The following IL16 variants were observed in gnomAD, a reference collection of about 807,000 sequenced individuals.
IL16 encodes interleukin 16.
In IL16, 67 loss-of-function variants were observed where a neutral mutation model predicts 110.1. The observed-to-expected ratio is 0.61, with a 90% confidence interval of 0.50 to 0.75. IL16 has a LOEUF of 0.75. IL16 is among the 30% of genes least tolerant of loss of function. The pLI is 0.00. For synonymous variants in IL16, 689 were observed against 662.9 expected (o/e 1.04, Z -0.61); for missense variants, 1,545 against 1,655.0 (o/e 0.93, Z 1.15).
At chr15:81,304,206 ATTTCCTGATAAGT>A (rs1900436690) in intron 16 of IL16, among the ~76,000 whole-genome samples, 1 of 152,192 alleles carries the variant, frequency 6.6e-6, no homozygotes, top group South Asian at 2.1e-4. Context: ...GACTTCCTTG[ATTTCCTGATAAGT>A]TTTCTATCAC....
At position 81,256,242 on chromosome 15, in the gene IL16, A is replaced by G. The variant is rs75853969; in HGVS notation, c.313-3530A>G. The stretch of plus-strand genomic sequence containing the variant: ...TGCCCTTTTTCTATGTATATTTTAC[A>G]TGATTGTAGTCAGTCATCATCATTA... On this transcript the variant is annotated intron_variant, in intron 2 of 18. Coordinates refer to ENST00000683961, the MANE Select transcript of IL16 (RefSeq NM_172217.5). Among the ~76,000 whole-genome samples, 1,154 of 152,048 alleles carry G rather than the reference A, an allele frequency of 7.6e-3. 15 individuals carry two copies. The highest frequency in any genetic ancestry group is 0.026 in the African/African-American group (1,085 of 41,438).
chr15:81,233,890 A>C lies in IL16; in HGVS notation c.312+8179A>C, dbSNP rs533127035. Among the ~76,000 whole-genome samples, 25 of 152,104 alleles carry C rather than the reference A, an allele frequency of 1.6e-4. 1 individual carries two copies. The South Asian group carries it at 5.2e-3, about 32-fold the overall frequency. ...AAGAAGCATGTTAAAGCCTCTCATT[A>C]TTATTGTAGATTGGTCTGTTTCTCC... is the stretch of plus-strand genomic sequence containing the variant. On this transcript the variant is annotated intron_variant, in intron 2 of 18. Transcript: ENST00000683961.
intron 2 of IL16, among the ~76,000 whole-genome samples, chr15:81,228,908 T>A (rs1020895776): frequency 6.6e-5 from 10 of 152,134 alleles, no homozygotes; most frequent in African/African-American, 2.4e-4. Context: ...TCTCACCTGT[T>A]AAATGGAGAA....
chr15:81,221,574 C>G (rs1384996515), intron 1 of IL16, among the ~76,000 whole-genome samples: 2 of 152,114 alleles, frequency 1.3e-5, no homozygotes, highest in Non-Finnish European at 2.9e-5. Context: ...TTCAATTATT[C>G]TCTCTCCCTT....
intron 1 of IL16, among the ~76,000 whole-genome samples, chr15:81,191,759 T>C (rs1399600622): frequency 6.6e-6 from 1 of 152,192 alleles, no homozygotes; most frequent in Non-Finnish European, 1.5e-5. Context: ...GGAACTTTCC[T>C]GTAAGAGAAA....
intron 2 of IL16, among the ~76,000 whole-genome samples, chr15:81,254,099 A>G (rs937212342): frequency 1.3e-5 from 2 of 152,134 alleles, no homozygotes; most frequent in African/African-American, 4.8e-5. Flanking sequence ...GTTGAATTCT[A>G]TTTTGTGGTT....
chr15:81,236,924 A>T (rs760703376), intron 2 of IL16, among the ~76,000 whole-genome samples: 2 of 152,110 alleles, frequency 1.3e-5, no homozygotes, highest in Non-Finnish European at 2.9e-5. Context: ...CAACCATTGC[A>T]CTCCAGCCTG....
intron 10 of IL16, among the ~76,000 whole-genome samples, chr15:81,286,222 C>T (rs1462142979): frequency 6.6e-6 from 1 of 152,172 alleles, no homozygotes; most frequent in East Asian, 1.9e-4. Context: ...CCTGCAGAAG[C>T]TCACAGTATC....
chr15:81,183,013 G>C (rs116464315), intron 1 of IL16: 187 of 536,778 alleles, frequency 3.5e-4, no homozygotes, highest in African/African-American at 3.5e-3. Flanking sequence ...CCACTGTGTA[G>C]TATATGAGTG....
intron 2 of IL16, among the ~76,000 whole-genome samples, chr15:81,258,999 C>T (rs1417462209): frequency 6.6e-6 from 1 of 151,942 alleles, no homozygotes; most frequent in Non-Finnish European, 1.5e-5. Flanking sequence ...CCCTAAAATT[C>T]CAGGATGAGG....
At chr15:81,201,140 AGTGT>A (rs1331584955) in intron 1 of IL16, among the ~76,000 whole-genome samples, 2 of 151,150 alleles carry the variant, frequency 1.3e-5, no homozygotes, top group Non-Finnish European at 2.9e-5. Context: ...GAAAATAAAA[AGTGT>A]GTGTGTGTCT....
At position 81,218,333 on chromosome 15, in the gene IL16, T is replaced by C. The variant is rs118110003; in HGVS notation, c.-101-6966T>C. ...AAATAAAGAAGAGTGTAAAATGTTA[T>C]TGAAAGTCTGAAAAGAAAATTTGAA... On this transcript the variant is annotated intron_variant, in intron 1 of 18. Coordinates refer to ENST00000683961, the MANE Select transcript of IL16 (RefSeq NM_172217.5). 2.4e-3 allele frequency among the ~76,000 whole-genome samples: 359 copies of C among 152,286 alleles called. 13 individuals carry two copies. In the East Asian group the frequency reaches 0.057, roughly 24 times the overall value.
chr15:81,183,177 C>T (rs1895370310), intron 1 of IL16, among the ~76,000 whole-genome samples: 2 of 152,172 alleles, frequency 1.3e-5, no homozygotes, highest in South Asian at 4.1e-4. Flanking sequence ...TGCAGGACCC[C>T]CACAGGGGAG....
chr15:81,263,405 CACTT>C (rs1898241491), intron 3 of IL16, among the ~76,000 whole-genome samples: 1 of 143,852 alleles, frequency 7.0e-6, no homozygotes, highest in African/African-American at 2.6e-5. Flanking sequence ...TCAGTTAACT[CACTT>C]AATACTCTAC....
upstream of IL16, among the ~76,000 whole-genome samples, chr15:81,193,266 G>C (rs1030771178): frequency 1.3e-5 from 2 of 152,142 alleles, no homozygotes; most frequent in African/African-American, 2.4e-5. Context: ...ATTTTATTAG[G>C]GGGGGAATCA....
chr15:81,250,848 T>C (rs1897744888), intron 2 of IL16, among the ~76,000 whole-genome samples: 1 of 152,222 alleles, frequency 6.6e-6, no homozygotes, highest in African/African-American at 2.4e-5. Context: ...TTAATTTATT[T>C]CCAATTCAAA....
In IL16 at chr15:81,308,728, G is replaced by A; in HGVS notation, c.3929G>A (p.Gly1310Glu). Residue 1310 changes from glycine (G) to glutamate (E), a missense_variant, in exon 19 of 19, where the codon GGA becomes GAA. By Grantham distance (98) the Gly-to-Glu change is moderately conservative (BLOSUM62 -2). Around this residue, in one of 3 missense-constraint regions of IL16, gnomAD observed 356 missense variants for 399.3 expected, o/e 0.89. Coordinates refer to ENST00000683961, the MANE Select transcript of IL16 (RefSeq NM_172217.5). ...AACATCATCAAGGCACTGCCTGATG[G>A]ACCTGTCACGATTGTCATCAGGAGA... ...AWNIIKALPD[G>E]PVTIVIRRKS... 1 of 1,614,102 alleles carries A rather than the reference G, an allele frequency of 6.2e-7. No homozygotes were observed. Among genetic ancestry groups the A allele is most frequent in the Non-Finnish European group, 8.5e-7 (1 of 1,179,954 alleles).
intron 1 of IL16, among the ~76,000 whole-genome samples, chr15:81,211,021 T>C (rs1443577057): frequency 6.6e-6 from 1 of 152,130 alleles, no homozygotes; most frequent in African/African-American, 2.4e-5. Flanking sequence ...CTTCCTTAGA[T>C]GCCTAGTGTG....
chr15:81,198,774 A>G (rs12324765), intron 1 of IL16, among the ~76,000 whole-genome samples: 3 of 140,702 alleles, frequency 2.1e-5, no homozygotes, highest in Admixed American at 7.1e-5. Context: ...AATCCCAGCA[A>G]TTTGAGAGGC....
Sources: gnomAD v4.1 joint callset for allele counts (sites outside exome capture counted in the v4.1 genomes callset) on GRCh38, gnomAD v4.1.1 for gene constraint, gnomAD v4.1.1 regional missense constraint, MANE v1.5 for transcripts, NCBI Gene and HGNC (gene_info 2026-07-23, HGNC 2026-07-21) for gene names.